Variants in PPFIA2 observed in about 807,000 individuals in gnomAD.
PPFIA2 encodes the protein PPFI scaffold protein A2.
PPFIA2 carries 46 observed loss-of-function variants against 175.5 expected under a neutral mutation model. That is an observed-to-expected ratio of 0.26 (90% CI 0.21 to 0.34). The LOEUF (loss-of-function observed/expected upper bound fraction) is 0.34, where lower values mean the gene tolerates loss of function less well. Ranked by LOEUF, PPFIA2 falls within the 10% of genes least tolerant of loss-of-function variation. The probability of loss-of-function intolerance (pLI) is 1.00; values close to 1 mark genes in which losing one functional copy is unlikely to be tolerated. For synonymous variants in PPFIA2, 568 were observed against 511.4 expected (o/e 1.11, Z -1.49); for missense variants, 1,179 against 1,506.1 (o/e 0.78, Z 3.60).
In PPFIA2 at chr12:81,635,920, T is replaced by TCACACACA. The variant is rs3220848; in HGVS notation, c.303+40863_303+40870dup. Among the ~76,000 whole-genome samples the TCACACACA allele has an allele frequency of 5.9e-4, 89 of 150,734 alleles. 1 individual carries two copies. The highest frequency in any genetic ancestry group is 7.3e-4 in the Admixed American group (11 of 15,156). On this transcript the variant is annotated intron_variant, in intron 4 of 32. Coordinates refer to ENST00000549396, the MANE Select transcript of PPFIA2 (RefSeq NM_003625.5). Reference sequence around the variant, plus strand: ...TTTGGGAAAATGCAATCTCTCTCTCTCACACACACACACACACACACACAC... The same window carrying TCACACACA: ...TTTGGGAAAATGCAATCTCTCTCTCTCACACACACACACACACACACACACACACACAC...
chr12:81,597,274 T>C (rs1357854540), intron 4 of PPFIA2, among the ~76,000 whole-genome samples: 1 of 152,092 alleles, frequency 6.6e-6, no homozygotes, highest in East Asian at 1.9e-4. Context: ...TTTTCTAGAC[T>C]GATGGCTGAT....
chr12:81,326,302 A>G (rs970896658), intron 21 of PPFIA2, among the ~76,000 whole-genome samples: 4 of 152,152 alleles, frequency 2.6e-5, no homozygotes, highest in Admixed American at 2.0e-4. Flanking sequence ...CCAATTGGGT[A>G]GGAACTCAAG....
At chr12:81,310,350 TTC>T (rs1338299992) in intron 22 of PPFIA2, among the ~76,000 whole-genome samples, 2 of 152,138 alleles carry the variant, frequency 1.3e-5, no homozygotes, top group Non-Finnish European at 2.9e-5. Context: ...ATCCAAAGCT[TTC>T]TTTTAGTAAT....
At chr12:81,699,654 T>C (rs2076281410) in intron 3 of PPFIA2, among the ~76,000 whole-genome samples, 1 of 151,956 alleles carries the variant, frequency 6.6e-6, no homozygotes, top group Admixed American at 6.6e-5. Flanking sequence ...TCTAAGATTA[T>C]GCCATAAACC....
chr12:81,694,299 G>T (rs866243820), intron 3 of PPFIA2, among the ~76,000 whole-genome samples: 29 of 152,090 alleles, frequency 1.9e-4, no homozygotes, highest in Middle Eastern at 3.2e-3. Context: ...TCCATCACAG[G>T]CCTGGAGACC....
intron 3 of PPFIA2, among the ~76,000 whole-genome samples, chr12:81,678,080 C>T (rs936795385): frequency 1.3e-5 from 2 of 151,730 alleles, no homozygotes; most frequent in Non-Finnish European, 2.9e-5. Flanking sequence ...TGGGTTAAAT[C>T]GAATGGTTAC....
intron 22 of PPFIA2, among the ~76,000 whole-genome samples, chr12:81,300,359 A>C (rs2047513760): frequency 6.6e-6 from 1 of 152,216 alleles, no homozygotes; most frequent in Non-Finnish European, 1.5e-5. Flanking sequence ...TTTTATGCTT[A>C]GGAATATTTC....
chr12:81,630,899 A>ATATATATATATATATATATATATAT (rs1411924550), intron 4 of PPFIA2, among the ~76,000 whole-genome samples: 1 of 106,448 alleles, frequency 9.4e-6, no homozygotes, highest in African/African-American at 2.9e-5. Context: ...ATATATATAT[A>ATATATATATATATATATATATATAT]TTTTTTTTTT....
chr12:81,297,151 T>C (rs1245531370), intron 23 of PPFIA2, among the ~76,000 whole-genome samples: 1 of 152,118 alleles, frequency 6.6e-6, no homozygotes, highest in Non-Finnish European at 1.5e-5. Flanking sequence ...ACCATATGAA[T>C]GAGCATGGAA....
At chr12:81,500,128 C>T (rs147926421) in intron 4 of PPFIA2, among the ~76,000 whole-genome samples, 58 of 152,250 alleles carry the variant, frequency 3.8e-4, no homozygotes, top group African/African-American at 1.3e-3. Flanking sequence ...ATAGTGAACA[C>T]GCACTTATCT....
chr12:81,460,226 C>T (rs1212241554), intron 4 of PPFIA2, among the ~76,000 whole-genome samples: 3 of 152,028 alleles, frequency 2.0e-5, no homozygotes, highest in African/African-American at 4.8e-5. Flanking sequence ...CTTCATATTG[C>T]TTTCCTGATT....
intron 4 of PPFIA2, among the ~76,000 whole-genome samples, chr12:81,576,937 A>T (rs1016705433): frequency 2.0e-5 from 3 of 151,786 alleles, no homozygotes; most frequent in Admixed American, 2.0e-4. Context: ...CTCAGCATGA[A>T]TTTTTTTATA....
chr12:81,367,615 C>T (rs1428713084), intron 13 of PPFIA2, among the ~76,000 whole-genome samples: 1 of 151,444 alleles, frequency 6.6e-6, no homozygotes, highest in African/African-American at 2.4e-5. Context: ...ACTTTCTGGA[C>T]ATCTACTGCA....
At chr12:81,317,776 A>G (rs2052738502) in intron 22 of PPFIA2, among the ~76,000 whole-genome samples, 1 of 151,684 alleles carries the variant, frequency 6.6e-6, no homozygotes, top group Admixed American at 6.6e-5. Context: ...CAGCATCTAT[A>G]TGTTAAAAAT....
intron 1 of PPFIA2, chr12:81,759,078 T>A (rs992720247): frequency 6.6e-6 from 1 of 152,090 alleles, no homozygotes; most frequent in African/African-American, 2.4e-5. Flanking sequence ...GCCCCCAGCC[T>A]GTTTCCGCGC....
chr12:81,583,008 A>T (rs922839801), intron 4 of PPFIA2, among the ~76,000 whole-genome samples: 7 of 152,028 alleles, frequency 4.6e-5, no homozygotes, highest in African/African-American at 1.7e-4. Flanking sequence ...AGTCAGTTCA[A>T]CATTACTCAT....
chr12:81,605,665 A>G (rs1392952214), intron 4 of PPFIA2, among the ~76,000 whole-genome samples: 1 of 149,322 alleles, frequency 6.7e-6, no homozygotes, highest in African/African-American at 2.4e-5. Context: ...CTATCTATCT[A>G]TCTATCTATC....
chr12:81,712,539 A>C (rs938789565), intron 3 of PPFIA2, among the ~76,000 whole-genome samples: 2 of 151,120 alleles, frequency 1.3e-5, no homozygotes, highest in Non-Finnish European at 2.9e-5. Flanking sequence ...GTTTAGTAAT[A>C]AGTATCAGTT....
At chr12:81,461,783 C>T (rs2054580622) in intron 4 of PPFIA2, among the ~76,000 whole-genome samples, 1 of 151,912 alleles carries the variant, frequency 6.6e-6, no homozygotes, top group Non-Finnish European at 1.5e-5. Flanking sequence ...CACAAACTAC[C>T]TACTGTGCCT....
Sources: allele counts gnomAD v4.1 joint callset (sites outside exome capture counted in the v4.1 genomes callset), GRCh38; gene constraint gnomAD v4.1.1; transcripts MANE v1.5; gene names NCBI Gene and HGNC (gene_info 2026-07-23, HGNC 2026-07-21).